MCF2L: variants seen among roughly 807,000 people sequenced by gnomAD.
MCF2L encodes guanine nucleotide exchange factor DBS.
MCF2L carries 97 observed loss-of-function variants against 153.4 expected under a neutral mutation model. The observed-to-expected ratio is 0.63, with a 90% CI of 0.54 to 0.75. MCF2L has a LOEUF of 0.75. Ranked by LOEUF, MCF2L falls within the 30% of genes least tolerant of loss-of-function variation. The pLI, the probability that MCF2L is intolerant of heterozygous loss-of-function variation, is 0.00. For synonymous variants in MCF2L, 659 were observed against 632.2 expected (o/e 1.04, Z -0.64); for missense variants, 1,347 against 1,495.2 (o/e 0.90, Z 1.64).
rs993533760 is a variant in MCF2L, at chr13:112,983,762, C to T, written c.79+14304C>T. Among the ~76,000 whole-genome samples the T allele has an allele frequency of 6.6e-6, 1 of 152,204 alleles. No individual in the cohort carries two copies. The highest frequency in any genetic ancestry group is 2.4e-5 in the African/African-American group (1 of 41,458). ...CAGCCTCCTGGGCCTTCCCTTCTGC[C>T]TGGCTTCCTCCTCCTCCACCCGTCC... On this transcript the variant is annotated intron_variant, in intron 1 of 29. Coordinates refer to ENST00000535094, the MANE Select transcript of MCF2L (RefSeq NM_001112732.3). The surrounding 1 kb of genome is among the most constrained non-coding windows in gnomAD (Gnocchi z 4.0).
intron 2 of MCF2L, among the ~76,000 whole-genome samples, chr13:113,018,068 C>T (rs1278810817): frequency 6.6e-6 from 1 of 152,222 alleles, no homozygotes; most frequent in Non-Finnish European, 1.5e-5. Flanking sequence ...CCTCCATTGT[C>T]TGTAGACGCA....
chr13:112,945,613 C>T (rs1373569812), intron 2 of MCF2L, among the ~76,000 whole-genome samples: 1 of 152,218 alleles, frequency 6.6e-6, no homozygotes, highest in Admixed American at 6.5e-5. Context: ...GCAGCAGTTC[C>T]TGCCCTGCTG....
chr13:112,968,301 AC>A (rs1487796534), upstream of MCF2L: 15 of 496,632 alleles, frequency 3.0e-5, no homozygotes, highest in Non-Finnish European at 3.7e-5. Context: ...ATAATACCAA[AC>A]CACAAAAGGA....
rs1362976985 is a variant in MCF2L at position 113,065,229 on chromosome 13, G to A, written c.756+144G>A. 7 of 915,670 alleles carry A rather than the reference G, an allele frequency of 7.6e-6. No individual in the cohort carries two copies. The South Asian group carries it at 1.1e-4, about 15-fold the overall frequency. The allele number at this position is 915,670 out of a possible 1,614,324, so 56.7% of individuals were successfully genotyped here. On this transcript the variant is annotated intron_variant, in intron 7 of 29. Transcript: ENST00000535094. Reference sequence around the variant, plus strand: ...GCACGTAAGACCAAGAAGTCAGCAGGCTTGAGATGCCTTTTGATGGCAATT... The same window carrying A: ...GCACGTAAGACCAAGAAGTCAGCAGACTTGAGATGCCTTTTGATGGCAATT...
At chr13:113,072,395 T>C (rs1449653142) in intron 9 of MCF2L, among the ~76,000 whole-genome samples, 1 of 152,038 alleles carries the variant, frequency 6.6e-6, no homozygotes, top group Non-Finnish European at 1.5e-5. Context: ...ATGATAAGAG[T>C]GGCGAGACTG....
rs947793286 is a variant in MCF2L, at chr13:112,932,845, A to G, written c.169+30474A>G. Among the ~76,000 whole-genome samples the G allele has an allele frequency of 2.6e-5, 4 of 152,196 alleles. No homozygotes were observed. Among genetic ancestry groups the G allele is most frequent in the Non-Finnish European group, 2.9e-5 (2 of 68,034 alleles). On this transcript the variant is annotated intron_variant, in intron 2 of 29. Coordinates refer to the MCF2L transcript ENST00000375608. The surrounding 1 kb of genome is among the most constrained non-coding windows in gnomAD (Gnocchi z 4.6). Reference sequence around the variant, plus strand: ...CAGGAGTTGAAGACCAGCCTGGCCAACATGGTGAAACCCCGTCTCTACTAA... The same window carrying G: ...CAGGAGTTGAAGACCAGCCTGGCCAGCATGGTGAAACCCCGTCTCTACTAA...
chr13:112,900,822 C>T (rs570212057), intron 1 of MCF2L, among the ~76,000 whole-genome samples: 22 of 152,106 alleles, frequency 1.4e-4, no homozygotes, highest in Admixed American at 3.3e-4. Flanking sequence ...TCTCCAGGGC[C>T]GGGCATTGGT....
chr13:113,044,575 C>A (rs1243719005), intron 3 of MCF2L: 5 of 1,528,692 alleles, frequency 3.3e-6, no homozygotes, highest in Admixed American at 1.9e-5. Context: ...GTGGTAGCAG[C>A]TGCTGGCATC....
chr13:113,087,423 A>T lies in MCF2L; in HGVS notation c.2562A>T (p.Lys854Asn). Residue 854 changes from lysine (K) to asparagine (N), a missense_variant, in exon 22 of 30, where the codon AAA (lysine) becomes AAT (asparagine). Around this residue, in one of 3 missense-constraint regions of MCF2L, gnomAD observed 144 missense variants for 238.7 expected, o/e 0.60. Coordinates refer to ENST00000535094, the MANE Select transcript of MCF2L (RefSeq NM_001112732.3). ...KREENGEGYE[K>N]APSYSYKQSL... ...AGGAGAATGGGGAGGGGTATGAGAA[A>T]GCTCCCTCCTACAGCTACAAGCAGT... 2 of 1,612,416 alleles carry T rather than the reference A, an allele frequency of 1.2e-6. No individual in the cohort carries two copies. The highest frequency in any genetic ancestry group is 1.7e-6 in the Non-Finnish European group (2 of 1,179,490).
At chr13:112,981,378 C>T (rs918093798) in intron 1 of MCF2L, among the ~76,000 whole-genome samples, 8 of 152,212 alleles carry the variant, frequency 5.3e-5, no homozygotes, top group African/African-American at 1.9e-4. Context: ...TTGGGAGACG[C>T]GATGAGAGTG....
At chr13:113,081,332 C>A in intron 16 of MCF2L, 53 bp downstream of exon 16, 3 of 1,504,590 alleles carry the variant, frequency 2.0e-6, no homozygotes, top group South Asian at 1.2e-5. Context: ...CCTGGGCCAG[C>A]TGGTGGGGCT....
At chr13:113,006,921 G>A (rs2083740913) in intron 1 of MCF2L, among the ~76,000 whole-genome samples, 2 of 152,188 alleles carry the variant, frequency 1.3e-5, no homozygotes, top group African/African-American at 4.8e-5. Context: ...GTAGCGGGTA[G>A]GGCTGTGACC....
At position 112,951,503 on chromosome 13, in the gene MCF2L, A is replaced by G. The variant is rs935896507; in HGVS notation, c.169+49132A>G. ...AAATTGTACGTCCGCACCATGAACT[A>G]TTGATACCTGTGACAACCTGGATGA... On this transcript the variant is annotated intron_variant, in intron 2 of 29. Coordinates refer to the MCF2L transcript ENST00000375608. The surrounding 1 kb of genome is among the most constrained non-coding windows in gnomAD (Gnocchi z 4.8). Among the ~76,000 whole-genome samples, 4 of 152,240 alleles carry G rather than the reference A, an allele frequency of 2.6e-5. No individual in the cohort carries two copies. Among genetic ancestry groups the G allele is most frequent in the Non-Finnish European group, 1.5e-5 (1 of 68,042 alleles).
At chr13:112,998,795 A>G (rs1295557444) in intron 1 of MCF2L, among the ~76,000 whole-genome samples, 1 of 152,138 alleles carries the variant, frequency 6.6e-6, no homozygotes, top group Non-Finnish European at 1.5e-5. Flanking sequence ...ATGAATCGGA[A>G]ACTGGACAGA....
chr13:112,915,470 A>G lies in MCF2L; in HGVS notation c.169+13099A>G, dbSNP rs149796408. Among the ~76,000 whole-genome samples, 864 of 150,100 alleles carry G rather than the reference A, an allele frequency of 5.8e-3. 4 individuals carry two copies. Among genetic ancestry groups the G allele is most frequent in the Non-Finnish European group, 9.6e-3 (652 of 67,752 alleles). Reference sequence around the variant, plus strand: ...TCAGCAGTTGCCACCATTAAAATAGATTGAATTTTCATACATATTTGAGTC... The same window carrying G: ...TCAGCAGTTGCCACCATTAAAATAGGTTGAATTTTCATACATATTTGAGTC... On this transcript the variant is annotated intron_variant, in intron 2 of 29. Transcript: ENST00000375608.
rs34257159 is a variant in MCF2L, at chr13:112,946,285, T to TA, written c.169+43927dup. On this transcript the variant is annotated intron_variant, in intron 2 of 29. Transcript: ENST00000375608. ...AAAGATAATGTTTCTCCCTTTCTGA[T>TA]AAAAAAAAAAAAACTATAGTAACTT... Among the ~76,000 whole-genome samples the TA allele has an allele frequency of 4.0e-3, 577 of 145,692 alleles. 6 individuals are homozygous for TA. The highest frequency in any genetic ancestry group is 0.024 in the Middle Eastern group (7 of 290).
In MCF2L at chr13:113,085,100, G is replaced by C; in HGVS notation, c.2169G>C (p.Lys723Asn). 6.2e-7 allele frequency: 1 copy of C among 1,613,738 alleles called. No homozygotes were observed. The highest frequency in any genetic ancestry group is 1.1e-5 in the South Asian group (1 of 91,084). Reference protein sequence around the residue: ...DCPFFQECQRKLDHKLSLDSY... With the variant: ...DCPFFQECQRNLDHKLSLDSY... The stretch of plus-strand genomic sequence containing the variant: ...GTTGGTTCCAGGAATGCCAGAGAAA[G>C]CTGGACCACAAGCTGAGCCTGGACT... Residue 723 changes from lysine to asparagine, a missense_variant, in exon 20 of 30, where the codon AAG becomes AAC. Physicochemically the swap from Lys to Asn is moderately conservative, Grantham distance 94 (BLOSUM62 0). Around this residue, in one of 3 missense-constraint regions of MCF2L, gnomAD observed 144 missense variants for 238.7 expected, o/e 0.60. Coordinates refer to ENST00000535094, the MANE Select transcript of MCF2L (RefSeq NM_001112732.3).
chr13:112,919,791 TA>T (rs1298284816), intron 2 of MCF2L, among the ~76,000 whole-genome samples: 5 of 152,242 alleles, frequency 3.3e-5, no homozygotes, highest in African/African-American at 1.2e-4. Context: ...GTACCATCTG[TA>T]ACTCCAAAAT....
chr13:112,952,443 T>C (rs2140715729), intron 2 of MCF2L, among the ~76,000 whole-genome samples: 1 of 152,306 alleles, frequency 6.6e-6, no homozygotes, highest in Admixed American at 6.5e-5. Flanking sequence ...AACCACCTCC[T>C]TCTAAAGGAG....
Sources: allele counts gnomAD v4.1 joint callset (sites outside exome capture counted in the v4.1 genomes callset), GRCh38; gene constraint gnomAD v4.1.1; regional missense constraint gnomAD v4.1.1; non-coding constraint Gnocchi (gnomAD v3.1); transcripts MANE v1.5; gene names NCBI Gene and HGNC (gene_info 2026-07-23, HGNC 2026-07-21).